The following KIF2A variants were observed in gnomAD, a reference collection of about 807,000 sequenced individuals.
KIF2A encodes kinesin-like protein KIF2A.
Under a neutral mutation model 100.2 loss-of-function variants are expected in KIF2A, and 22 were observed. The ratio of observed to expected loss-of-function variants is 0.22; its 90% CI spans 0.16 to 0.31. KIF2A has a LOEUF of 0.31. KIF2A is among the 10% of genes least tolerant of loss of function. The pLI is 1.00. For synonymous variants in KIF2A, 268 were observed against 285.9 expected, an observed-to-expected ratio of 0.94 and a Z score of 0.63; for missense variants, 495 against 898.7, an observed-to-expected ratio of 0.55 and a Z score of 5.74.
In KIF2A at chr5:62,384,437, GGGCTA is replaced by G. The variant is rs140684124; in HGVS notation, c.2150-1043_2150-1039del. On this transcript the variant is annotated intron_variant, in intron 20 of 20. Coordinates refer to ENST00000407818, the MANE Select transcript of KIF2A (RefSeq NM_001098511.3). ...GTAACCTTGACACTGTTAACATTTG[GGGCTA>G]GGCCTTTCTTTGTTGAGGAGTGTTA... Among the ~76,000 whole-genome samples the G allele has an allele frequency of 7.5e-3, 1,145 of 152,244 alleles. 10 individuals carry two copies. The highest frequency in any genetic ancestry group is 9.9e-3 in the Non-Finnish European group (671 of 68,010).
chr5:62,315,716 A>G lies in KIF2A; in HGVS notation c.64+9180A>G, dbSNP rs145715235. Among the ~76,000 whole-genome samples the G allele has an allele frequency of 7.4e-4, 113 of 152,352 alleles. 2 individuals are homozygous for G. The East Asian group carries it at 0.018, about 25-fold the overall frequency. On this transcript the variant is annotated intron_variant, in intron 1 of 20. Coordinates refer to ENST00000407818, the MANE Select transcript of KIF2A (RefSeq NM_001098511.3). ...GAGGTAAGGTAAGGATCTTGGAATT[A>G]ATTTCTAGGACACTTGGAAACTACT...
intron 1 of KIF2A, among the ~76,000 whole-genome samples, chr5:62,346,033 T>G (rs1747547110): frequency 6.6e-6 from 1 of 152,106 alleles, no homozygotes; most frequent in Non-Finnish European, 1.5e-5. Flanking sequence ...TACAATAGTA[T>G]TCATTGCAGT....
At chr5:62,315,311 G>T (rs1234580280) in intron 1 of KIF2A, among the ~76,000 whole-genome samples, 1 of 148,752 alleles carries the variant, frequency 6.7e-6, no homozygotes, top group Non-Finnish European at 1.5e-5. Flanking sequence ...TTTGCCTAGA[G>T]ATTCTGTCTG....
At chr5:62,372,959 G>T (rs1051646953) in intron 17 of KIF2A, among the ~76,000 whole-genome samples, 3 of 151,856 alleles carry the variant, frequency 2.0e-5, no homozygotes, top group African/African-American at 7.3e-5. Flanking sequence ...TCTTTTGGCC[G>T]GGCGTGGTGG....
chr5:62,308,322 C>T, intron 1 of KIF2A: 1 of 1,413,756 alleles, frequency 7.1e-7, no homozygotes, highest in South Asian at 1.5e-5. Flanking sequence ...AATACGAGTT[C>T]ACAGTATACC....
chr5:62,371,172 C>T (rs566684534), intron 16 of KIF2A, among the ~76,000 whole-genome samples: 2 of 152,012 alleles, frequency 1.3e-5, no homozygotes, highest in South Asian at 4.2e-4. Flanking sequence ...GGGAGGATCA[C>T]TTGAGCAGGA....
At chr5:62,350,432 T>C (rs10939937) in intron 4 of KIF2A, among the ~76,000 whole-genome samples, 73,731 of 151,564 alleles carry the variant, frequency 0.49, 18,861 homozygotes, top group African/African-American at 0.64. Context: ...CATGAGCCAC[T>C]ATGCCCAGCT....
intron 19 of KIF2A, among the ~76,000 whole-genome samples, chr5:62,379,093 T>C (rs1480565736): frequency 6.6e-6 from 1 of 151,830 alleles, no homozygotes; most frequent in African/African-American, 2.4e-5. Flanking sequence ...CTAGGCAACA[T>C]GGCAAAACCC....
In KIF2A at chr5:62,388,739, T is replaced by C; in HGVS notation, c.*3170T>C. The C allele has an allele frequency of 4.6e-6, 2 of 435,268 alleles. No individual in the cohort carries two copies. Among genetic ancestry groups the C allele is most frequent in the Non-Finnish European group, 4.1e-6 (1 of 242,778 alleles). 27.0% of individuals were successfully genotyped at this position (435,268 alleles called of 1,614,324 possible). On this transcript the variant is annotated 3_prime_UTR_variant, in exon 21 of 21. Transcript: ENST00000407818. ...TCTTTATACAATAAACTGTTAGAAA[T>C]GATAAGTGTAAAGTTGTGCGTCTCT...
rs961485781 is a variant in KIF2A at position 62,390,259 on chromosome 5, C to T, written c.*4690C>T. On this transcript the variant is annotated 3_prime_UTR_variant, in exon 21 of 21. Coordinates refer to ENST00000407818, the MANE Select transcript of KIF2A (RefSeq NM_001098511.3). ...TAATTACCTGGGTAATTAATTGAAG[C>T]CTTATTCTGTTTTCATAAGACTTAC... Among the ~76,000 whole-genome samples, 1 of 152,092 alleles carries T rather than the reference C, an allele frequency of 6.6e-6. No homozygotes were observed. The highest frequency in any genetic ancestry group is 1.5e-5 in the Non-Finnish European group (1 of 68,032).
chr5:62,356,455 T>A (rs1464161795), intron 7 of KIF2A, among the ~76,000 whole-genome samples: 2 of 152,230 alleles, frequency 1.3e-5, no homozygotes, highest in African/African-American at 4.8e-5. Flanking sequence ...TTTCAATCAA[T>A]GTGTGTCAGT....
intron 1 of KIF2A, among the ~76,000 whole-genome samples, chr5:62,324,695 A>T (rs1316935908): frequency 6.6e-6 from 1 of 152,236 alleles, no homozygotes. Context: ...CTTTCACCAT[A>T]AACAAAAATT....
intron 1 of KIF2A, among the ~76,000 whole-genome samples, chr5:62,343,465 T>C (rs1409667358): frequency 6.6e-6 from 1 of 152,144 alleles, no homozygotes; most frequent in Non-Finnish European, 1.5e-5. Flanking sequence ...GGAGTGACTT[T>C]AGTAAGGCAT....
At chr5:62,382,482 TACA>T (rs1254862633) in intron 20 of KIF2A, among the ~76,000 whole-genome samples, 2 of 152,158 alleles carry the variant, frequency 1.3e-5, no homozygotes, top group Non-Finnish European at 2.9e-5. Context: ...ATGTAATAGG[TACA>T]ACATGATGTT....
At position 62,388,175 on chromosome 5, in the gene KIF2A, T is replaced by C. The variant is rs1157779702; in HGVS notation, c.*2606T>C. The C allele has an allele frequency of 3.3e-5, 5 of 152,156 alleles. No homozygotes were observed. Among genetic ancestry groups the C allele is most frequent in the African/African-American group, 1.2e-4 (5 of 41,440 alleles). 9.4% of individuals were successfully genotyped at this position (152,156 alleles called of 1,614,324 possible). A position where few individuals can be genotyped will look rare whatever the true frequency, so the allele number is the denominator to read the frequency against. On this transcript the variant is annotated 3_prime_UTR_variant, in exon 21 of 21. Coordinates refer to ENST00000407818, the MANE Select transcript of KIF2A (RefSeq NM_001098511.3). Reference sequence around the variant, plus strand: ...ACTGGAAATTTTAATTGTCCAGAAATCATAGGAATACTGGGAACCTGTAGT... The same window carrying C: ...ACTGGAAATTTTAATTGTCCAGAAACCATAGGAATACTGGGAACCTGTAGT...
At chr5:62,352,505 TG>T (rs71305053) in intron 4 of KIF2A, 82 bp from the exon 5 acceptor site, 2 of 978,450 alleles carry the variant, frequency 2.0e-6, no homozygotes, top group African/African-American at 1.7e-5. Flanking sequence ...TATCAGGTTT[TG>T]GGGGCTATCT....
rs1240146367 is a variant in KIF2A, at chr5:62,350,137, T to A, written c.334+17T>A. ...ATAATAGAGGTAAAGTAAAAATTTA[T>A]CTCTTAATTTTGGCTATTGACTTCT... On this transcript the variant is annotated intron_variant, in intron 4 of 20. Coordinates refer to ENST00000407818, the MANE Select transcript of KIF2A (RefSeq NM_001098511.3). The A allele has an allele frequency of 1.3e-6, 2 of 1,485,364 alleles. No individual in the cohort carries two copies. The highest frequency in any genetic ancestry group is 1.8e-6 in the Non-Finnish European group (2 of 1,087,136). The allele number at this position is 1,485,364 out of a possible 1,614,324, so 92.0% of individuals were successfully genotyped here. A position where few individuals can be genotyped will look rare whatever the true frequency, so the allele number is the denominator to read the frequency against.
In KIF2A at chr5:62,390,899, G is replaced by A; in HGVS notation, c.*5330G>A. On this transcript the variant is annotated 3_prime_UTR_variant, in exon 21 of 21. Transcript: ENST00000407818. ...ACCTGATGAAGTCATCTATGTCCAT[G>A]GAACGGGCCCGTTTGTCACTAAAAC... is the stretch of plus-strand genomic sequence containing the variant. 2 of 1,612,028 alleles carry A rather than the reference G, an allele frequency of 1.2e-6. No individual in the cohort carries two copies. Among genetic ancestry groups the A allele is most frequent in the Non-Finnish European group, 1.7e-6 (2 of 1,179,812 alleles).
chr5:62,367,357 C>A (rs1234560634), intron 16 of KIF2A, among the ~76,000 whole-genome samples: 1 of 151,952 alleles, frequency 6.6e-6, no homozygotes, highest in African/African-American at 2.4e-5. Flanking sequence ...ACCTCCACTT[C>A]CTGAGTTCAA....
Sources: allele counts gnomAD v4.1 joint callset (sites outside exome capture counted in the v4.1 genomes callset), GRCh38; gene constraint gnomAD v4.1.1; transcripts MANE v1.5; gene names NCBI Gene and HGNC (gene_info 2026-07-23, HGNC 2026-07-21).